The following TSHZ2 variants were observed in gnomAD, a reference collection of about 807,000 sequenced individuals.
TSHZ2 encodes teashirt zinc finger homeobox 2.
TSHZ2 carries 21 observed loss-of-function variants against 74.4 expected under a neutral mutation model. The ratio of observed to expected loss-of-function variants is 0.28; its 90% CI spans 0.20 to 0.41. The LOEUF is 0.41. Ranked by LOEUF, TSHZ2 falls within the 10% of genes least tolerant of loss-of-function variation. The pLI, the probability that TSHZ2 is intolerant of heterozygous loss-of-function variation, is 1.00. For missense variants in TSHZ2, 1,244 were observed against 1,293.5 expected (o/e 0.96, Z 0.59); for synonymous variants, 540 against 515.3 (o/e 1.05, Z -0.65).
intron 2 of TSHZ2, among the ~76,000 whole-genome samples, chr20:53,337,777 GC>G (rs1381228965): frequency 6.6e-6 from 1 of 152,206 alleles, no homozygotes; most frequent in Non-Finnish European, 1.5e-5. Context: ...GTAGAGTAGG[GC>G]TATAAAATGC....
chr20:53,465,713 G>GAAAA lies in TSHZ2; in HGVS notation c.*9-21429_*9-21426dup, dbSNP rs1440580329. ...CCTCAGTTTTCTGATCTCTCAAAAA[G>GAAAA]AAAAAGGAGTTTATAAGAGCTATCT... On this transcript the variant is annotated intron_variant, in intron 2 of 2. Transcript: ENST00000371497. Among the ~76,000 whole-genome samples, 4 of 151,958 alleles carry GAAAA rather than the reference G, an allele frequency of 2.6e-5. No individual in the cohort carries two copies. In the East Asian group the frequency reaches 7.7e-4, roughly 29 times the overall value.
chr20:53,060,548 G>A (rs1819247935), intron 1 of TSHZ2, among the ~76,000 whole-genome samples: 1 of 152,202 alleles, frequency 6.6e-6, no homozygotes, highest in Non-Finnish European at 1.5e-5. Context: ...GTTATGCTAA[G>A]TTAGATAGCT....
intron 1 of TSHZ2, among the ~76,000 whole-genome samples, chr20:53,110,261 C>T (rs949668774): frequency 5.9e-5 from 9 of 152,016 alleles, no homozygotes; most frequent in East Asian, 3.9e-4. Flanking sequence ...GTTATGGCTC[C>T]GCAAAACAAG....
chr20:53,267,243 G>A (rs1349780615), intron 2 of TSHZ2, among the ~76,000 whole-genome samples: 3 of 152,162 alleles, frequency 2.0e-5, no homozygotes, highest in Non-Finnish European at 4.4e-5. Context: ...CTAGTGAGCT[G>A]AAACAAGAAG....
At chr20:53,135,495 A>G (rs893501467) in intron 1 of TSHZ2, among the ~76,000 whole-genome samples, 3 of 152,208 alleles carry the variant, frequency 2.0e-5, no homozygotes, top group Non-Finnish European at 4.4e-5. Context: ...TGCATTGCAG[A>G]GGAATGTTCT....
At chr20:53,068,081 T>G (rs1022497957) in intron 1 of TSHZ2, among the ~76,000 whole-genome samples, 6 of 152,146 alleles carry the variant, frequency 3.9e-5, no homozygotes, top group African/African-American at 1.4e-4. Context: ...CAAATTTCCT[T>G]TGATTTTTAA....
intron 1 of TSHZ2, among the ~76,000 whole-genome samples, chr20:53,245,350 T>C (rs535622018): frequency 5.6e-4 from 86 of 152,286 alleles, no homozygotes; most frequent in African/African-American, 1.8e-3. Context: ...GATCAGTTCT[T>C]GAATCAGCAA....
At chr20:53,114,616 CTTG>C (rs1390638357) in intron 1 of TSHZ2, among the ~76,000 whole-genome samples, 1 of 152,056 alleles carries the variant, frequency 6.6e-6, no homozygotes, top group Admixed American at 6.5e-5. Flanking sequence ...TCAGTGCAAA[CTTG>C]TTGGTGTGTT....
At chr20:53,353,221 C>T (rs1198647174) in intron 2 of TSHZ2, among the ~76,000 whole-genome samples, 1 of 152,140 alleles carries the variant, frequency 6.6e-6, no homozygotes, top group African/African-American at 2.4e-5. Context: ...AAGATTTCCC[C>T]TGAGGCTGTG....
intron 2 of TSHZ2, 124 bp from the exon 3 acceptor site, chr20:53,487,020 T>C (rs936860324): frequency 2.0e-5 from 3 of 152,482 alleles, no homozygotes; most frequent in Middle Eastern, 3.2e-3. Context: ...ACTAGGACTC[T>C]ACTCAGAACA....
At chr20:53,349,037 TTTG>T (rs973829934) in intron 2 of TSHZ2, among the ~76,000 whole-genome samples, 1 of 152,200 alleles carries the variant, frequency 6.6e-6, no homozygotes, top group Non-Finnish European at 1.5e-5. Context: ...GGCTGCTGGC[TTTG>T]TTCAAAGGCT....
intron 2 of TSHZ2, among the ~76,000 whole-genome samples, chr20:53,277,186 T>C (rs760654867): frequency 4.6e-5 from 7 of 152,252 alleles, no homozygotes; most frequent in Admixed American, 1.3e-4. Context: ...GGAAGAGGTC[T>C]TCCTCTTGAC....
rs541879101 is a variant in TSHZ2 at position 53,303,158 on chromosome 20, C to T, written c.*8+46587C>T. On this transcript the variant is annotated intron_variant, in intron 2 of 2. Transcript: ENST00000371497. ...AGGCAACAGTCCAAATATCTAAATA[C>T]TTAAAAACTGCACGTGCTCTTTAAG... Among the ~76,000 whole-genome samples the T allele has an allele frequency of 1.3e-4, 20 of 152,328 alleles. 1 individual carries two copies. The South Asian group carries it at 3.9e-3, about 30-fold the overall frequency.
chr20:53,037,722 A>G (rs1983871359), intron 1 of TSHZ2, among the ~76,000 whole-genome samples: 1 of 152,148 alleles, frequency 6.6e-6, no homozygotes, highest in Admixed American at 6.5e-5. Flanking sequence ...AAATAAAACG[A>G]TATTCCCCTC....
chr20:53,253,015 A>G (rs1243638512), intron 1 of TSHZ2, among the ~76,000 whole-genome samples: 1 of 152,188 alleles, frequency 6.6e-6, no homozygotes, highest in Non-Finnish European at 1.5e-5. Flanking sequence ...TGAGCACTCA[A>G]AAATGATTTA....
intron 2 of TSHZ2, among the ~76,000 whole-genome samples, chr20:53,365,980 T>A (rs920045416): frequency 3.9e-5 from 6 of 152,214 alleles, no homozygotes; most frequent in Non-Finnish European, 7.3e-5. Flanking sequence ...TGGAGATTGT[T>A]TAGGCTCAAA....
chr20:53,156,363 C>T (rs1004495639), intron 1 of TSHZ2, among the ~76,000 whole-genome samples: 1 of 152,108 alleles, frequency 6.6e-6, no homozygotes, highest in Non-Finnish European at 1.5e-5. Flanking sequence ...CTCAGTGGGC[C>T]TTCTTTGGTT....
intron 1 of TSHZ2, among the ~76,000 whole-genome samples, chr20:53,012,428 TC>T (rs1982883686): frequency 6.6e-6 from 1 of 152,134 alleles, no homozygotes; most frequent in African/African-American, 2.4e-5. Context: ...ATGCACAATC[TC>T]AGGCCTCTGC....
chr20:53,258,997 C>A (rs1264882802), intron 2 of TSHZ2, among the ~76,000 whole-genome samples: 1 of 152,186 alleles, frequency 6.6e-6, no homozygotes, highest in Non-Finnish European at 1.5e-5. Flanking sequence ...ATGTTTCCCC[C>A]ATCTGTACAA....
Sources: allele counts gnomAD v4.1 joint callset (sites outside exome capture counted in the v4.1 genomes callset), GRCh38; gene constraint gnomAD v4.1.1; transcripts MANE v1.5; gene names NCBI Gene and HGNC (gene_info 2026-07-23, HGNC 2026-07-21).